The following STK10 variants were observed in gnomAD, a reference collection of about 807,000 sequenced individuals.
The protein encoded by STK10 is serine/threonine kinase 10, also known as serine/threonine-protein kinase 10.
STK10 carries 78 observed loss-of-function variants against 113.8 expected under a neutral mutation model. The ratio of observed to expected loss-of-function variants is 0.69; its 90% CI spans 0.57 to 0.83. The LOEUF (loss-of-function observed/expected upper bound fraction) is 0.83. Among genes scored for constraint, STK10 ranks in the 40% least tolerant of loss-of-function variants. STK10 has a pLI of 0.00. For synonymous variants in STK10, 465 were observed against 494.7 expected, an observed-to-expected ratio of 0.94 and a Z score of 0.80; for missense variants, 1,109 against 1,280.1, an observed-to-expected ratio of 0.87 and a Z score of 2.04.
At position 172,145,258 on chromosome 5, in the gene STK10, C is replaced by A. The variant is rs373303479; in HGVS notation, c.321+11366G>T. On this transcript the variant is annotated intron_variant, in intron 2 of 18. Transcript: ENST00000176763. Reference sequence around the variant, plus strand: ...GGAAGGAGCCAGGCCCATGCCCCTGCCCTGAGGAAAGTGACCCCCAAGGAG... The same window carrying A: ...GGAAGGAGCCAGGCCCATGCCCCTGACCTGAGGAAAGTGACCCCCAAGGAG... 3.9e-5 allele frequency among the ~76,000 whole-genome samples: 6 copies of A among 152,328 alleles called. No homozygotes were observed. In the East Asian group the frequency reaches 1.2e-3, roughly 29 times the overall value.
intron 1 of STK10, among the ~76,000 whole-genome samples, chr5:172,160,529 AAT>A (rs982859098): frequency 7.2e-5 from 11 of 152,052 alleles, no homozygotes; most frequent in Non-Finnish European, 1.6e-4. Flanking sequence ...CTTAAACAGC[AAT>A]CTATTGCAAA....
intron 12 of STK10, among the ~76,000 whole-genome samples, chr5:172,066,086 G>A (rs899610565): frequency 5.9e-5 from 9 of 152,120 alleles, no homozygotes; most frequent in African/African-American, 2.2e-4. Context: ...TTGACAGAGG[G>A]CTCTTAAGAG....
chr5:172,166,656 T>C (rs1770576507), intron 1 of STK10, among the ~76,000 whole-genome samples: 1 of 152,204 alleles, frequency 6.6e-6, no homozygotes, highest in African/African-American at 2.4e-5. Flanking sequence ...GAAAGGATCA[T>C]TTTACACTTA....
intron 12 of STK10, among the ~76,000 whole-genome samples, chr5:172,081,383 A>G (rs1474545690): frequency 6.6e-6 from 1 of 151,624 alleles, no homozygotes; most frequent in East Asian, 1.9e-4. Flanking sequence ...ATCAGGCTAA[A>G]TCTACTCTGC....
chr5:172,106,525 G>C, intron 6 of STK10, 95 bp downstream of exon 6: 2 of 1,328,142 alleles, frequency 1.5e-6, no homozygotes, highest in Non-Finnish European at 2.0e-6. Context: ...CCAGGAGAAC[G>C]CTACCACTGC....
At chr5:172,075,535 C>G (rs10476001) in intron 12 of STK10, among the ~76,000 whole-genome samples, 32,085 of 151,512 alleles carry the variant, frequency 0.21, 4,413 homozygotes, top group African/African-American at 0.39. Context: ...AAATTAGCTG[C>G]GCATGGTGGC....
At chr5:172,103,267 G>A (rs1769032564) in intron 7 of STK10, among the ~76,000 whole-genome samples, 1 of 152,268 alleles carries the variant, frequency 6.6e-6, no homozygotes, top group African/African-American at 2.4e-5. Context: ...CTCTCTCACT[G>A]GAGAGGAAAA....
intron 2 of STK10, among the ~76,000 whole-genome samples, chr5:172,138,190 T>G (rs892020039): frequency 6.6e-6 from 1 of 152,152 alleles, no homozygotes; most frequent in Non-Finnish European, 1.5e-5. Flanking sequence ...GGCACAATCT[T>G]GGCTCACTGC....
intron 18 of STK10, among the ~76,000 whole-genome samples, chr5:172,048,002 A>G (rs6555990): frequency 0.14 from 20,584 of 147,772 alleles, 3,565 homozygotes; most frequent in African/African-American, 0.42. Flanking sequence ...TCCCGGGTTC[A>G]AGCCATTCTC....
chr5:172,077,992 G>C (rs1404262425), intron 12 of STK10, among the ~76,000 whole-genome samples: 2 of 96,620 alleles, frequency 2.1e-5, no homozygotes, highest in Non-Finnish European at 4.2e-5. Context: ...TCACCTGGTG[G>C]GGGGGGTCTC....
chr5:172,090,978 A>G (rs1408918515), intron 9 of STK10, among the ~76,000 whole-genome samples: 2 of 147,086 alleles, frequency 1.4e-5, no homozygotes, highest in East Asian at 2.0e-4. Context: ...CTGCGTTCTA[A>G]CCCTCACTGC....
intron 2 of STK10, among the ~76,000 whole-genome samples, chr5:172,144,883 G>A (rs893547366): frequency 1.3e-5 from 2 of 152,136 alleles, no homozygotes; most frequent in African/African-American, 2.4e-5. Context: ...GGAGACTCAG[G>A]TGGTTGCACA....
At chr5:172,102,555 G>C (rs1769014114) in intron 7 of STK10, among the ~76,000 whole-genome samples, 1 of 152,132 alleles carries the variant, frequency 6.6e-6, no homozygotes. Context: ...GGGGCAAAGG[G>C]GGGCGAGCAA....
At chr5:172,159,544 G>A (rs1032736275) in intron 1 of STK10, among the ~76,000 whole-genome samples, 3 of 151,954 alleles carry the variant, frequency 2.0e-5, no homozygotes, top group African/African-American at 7.3e-5. Flanking sequence ...GAAAACAGCC[G>A]GGCACAGTGG....
chr5:172,048,691 T>C (rs1340421692), intron 18 of STK10, among the ~76,000 whole-genome samples: 1 of 152,162 alleles, frequency 6.6e-6, no homozygotes. Flanking sequence ...TCCTGACTGG[T>C]CTCTCTGCCT....
intron 2 of STK10, among the ~76,000 whole-genome samples, chr5:172,146,314 T>C: frequency 6.6e-6 from 1 of 152,020 alleles, no homozygotes; most frequent in Non-Finnish European, 1.5e-5. Context: ...TCACATGAGA[T>C]CATGCATGTG....
Position 172,188,051 on chromosome 5 carries a change from G to C in STK10, c.-9C>G. On this transcript the variant is annotated 5_prime_UTR_variant, in exon 1 of 19. Transcript: ENST00000176763. This position sits in a 1 kb window ranked among gnomAD's most constrained non-coding sequence, Gnocchi z 5.6. The stretch of plus-strand genomic sequence containing the variant: ...AAATTGGCAAAAGCCATGGCCGGGG[G>C]CGCGGTGGCGCCGGCTCGGGCTCGG... The C allele has an allele frequency of 1.2e-6, 2 of 1,610,230 alleles. No homozygotes were observed. Among genetic ancestry groups the C allele is most frequent in the South Asian group, 2.2e-5 (2 of 90,918 alleles).
chr5:172,074,055 A>T (rs55766653), intron 12 of STK10, among the ~76,000 whole-genome samples: 31,673 of 151,832 alleles, frequency 0.21, 4,294 homozygotes, highest in African/African-American at 0.38. Context: ...AGGAAATGTA[A>T]CAAAGAAGAC....
chr5:172,126,710 G>A (rs758394512), intron 3 of STK10, among the ~76,000 whole-genome samples: 6 of 152,164 alleles, frequency 3.9e-5, no homozygotes, highest in African/African-American at 9.7e-5. Context: ...TGTGATCATC[G>A]TCGTCATTAT....
Sources: gnomAD v4.1 joint callset for allele counts (sites outside exome capture counted in the v4.1 genomes callset) on GRCh38, gnomAD v4.1.1 for gene constraint, Gnocchi (gnomAD v3.1) non-coding constraint, MANE v1.5 for transcripts, NCBI Gene and HGNC (gene_info 2026-07-23, HGNC 2026-07-21) for gene names.